The following ADAMTS6 variants were observed in gnomAD, a reference collection of about 807,000 sequenced individuals.
The protein encoded by ADAMTS6 is A disintegrin and metalloproteinase with thrombospondin motifs 6.
Under a neutral mutation model 144.3 loss-of-function variants are expected in ADAMTS6, and 23 were observed. That is an observed-to-expected ratio of 0.16 (90% CI 0.11 to 0.23). The LOEUF (loss-of-function observed/expected upper bound fraction) is 0.23, where lower values mean the gene tolerates loss of function less well. Ranked by LOEUF, ADAMTS6 falls within the 10% of genes least tolerant of loss-of-function variation. The probability of loss-of-function intolerance (pLI) is 1.00; values close to 1 mark genes in which losing one functional copy is unlikely to be tolerated. For synonymous variants in ADAMTS6, 444 were observed against 457.5 expected (o/e 0.97, Z 0.38); for missense variants, 999 against 1,379.6 (o/e 0.72, Z 4.37).
intron 15 of ADAMTS6, among the ~76,000 whole-genome samples, chr5:65,227,431 T>C (rs1757811464): frequency 6.6e-6 from 1 of 152,244 alleles, no homozygotes; most frequent in Non-Finnish European, 1.5e-5. Flanking sequence ...TATGTAATTA[T>C]TGACTGAAAT....
chr5:65,296,158 T>TAAC (rs1240022608), intron 10 of ADAMTS6, among the ~76,000 whole-genome samples: 1 of 152,130 alleles, frequency 6.6e-6, no homozygotes, highest in African/African-American at 2.4e-5. Context: ...AACAGTCTCT[T>TAAC]AACAACAACA....
chr5:65,352,885 T>G (rs16893720), intron 7 of ADAMTS6, among the ~76,000 whole-genome samples: 7,184 of 152,096 alleles, frequency 0.047, 216 homozygotes, highest in East Asian at 0.11. Flanking sequence ...TCATGGCCTA[T>G]AAGACCCTAA....
intron 10 of ADAMTS6, among the ~76,000 whole-genome samples, chr5:65,294,251 G>A (rs926983158): frequency 2.9e-4 from 44 of 152,260 alleles, no homozygotes; most frequent in African/African-American, 1.0e-3. Context: ...ATGGGATCTC[G>A]CTTTGTCACC....
chr5:65,171,776 A>C (rs1753644913), intron 23 of ADAMTS6, among the ~76,000 whole-genome samples: 1 of 151,974 alleles, frequency 6.6e-6, no homozygotes, highest in African/African-American at 2.4e-5. Flanking sequence ...AAACCTGAGA[A>C]GTAGTCTGTG....
intron 15 of ADAMTS6, among the ~76,000 whole-genome samples, chr5:65,237,300 A>C (rs1330864044): frequency 2.0e-5 from 3 of 150,090 alleles, no homozygotes; most frequent in Non-Finnish European, 4.4e-5. Context: ...AGGAGGGAGG[A>C]TCTCTTGAGC....
chr5:65,215,282 G>A (rs903537956), intron 19 of ADAMTS6, 42 bp downstream of exon 19: 2 of 1,595,372 alleles, frequency 1.3e-6, no homozygotes, highest in Non-Finnish European at 1.7e-6. Flanking sequence ...TCACAAGGGG[G>A]AATTAAAAAC....
chr5:65,204,851 C>A (rs1480983145), intron 20 of ADAMTS6, among the ~76,000 whole-genome samples: 1 of 152,094 alleles, frequency 6.6e-6, no homozygotes, highest in Non-Finnish European at 1.5e-5. Flanking sequence ...GTACATTGTA[C>A]AACCCCACAC....
intron 9 of ADAMTS6, among the ~76,000 whole-genome samples, chr5:65,302,842 G>T (rs1390471566): frequency 6.6e-6 from 1 of 151,990 alleles, no homozygotes; most frequent in African/African-American, 2.4e-5. Flanking sequence ...TGTTAAGATA[G>T]GTGTGTAGAC....
At chr5:65,179,960 A>G (rs759280259) in intron 22 of ADAMTS6, among the ~76,000 whole-genome samples, 26 of 41,540 alleles carry the variant, frequency 6.3e-4, no homozygotes, top group East Asian at 2.6e-3. Flanking sequence ...ACGCACGCGC[A>G]CACACACACA....
At position 65,197,604 on chromosome 5, in the gene ADAMTS6, C is replaced by T. The variant is rs191120722; in HGVS notation, c.2576-453G>A. Among the ~76,000 whole-genome samples, 5 of 152,264 alleles carry T rather than the reference C, an allele frequency of 3.3e-5. No homozygotes were observed. In the East Asian group the frequency reaches 9.6e-4, roughly 29 times the overall value. On this transcript the variant is annotated intron_variant, in intron 20 of 24. Coordinates refer to ENST00000381055, the MANE Select transcript of ADAMTS6 (RefSeq NM_197941.4). ...TGATATTTTGTAGAACAAATCCCAT[C>T]TATTTAGTTTTTGTTAGGAATACAT...
chr5:65,275,255 A>T (rs1267402330), intron 11 of ADAMTS6, among the ~76,000 whole-genome samples: 3 of 141,702 alleles, frequency 2.1e-5, no homozygotes, highest in Non-Finnish European at 4.6e-5. Context: ...AAAGAAAGAG[A>T]GAGAGAGGTA....
chr5:65,368,537 G>C (rs1027817820), intron 7 of ADAMTS6, among the ~76,000 whole-genome samples: 1 of 152,178 alleles, frequency 6.6e-6, no homozygotes, highest in Non-Finnish European at 1.5e-5. Flanking sequence ...AGCCTCAAAA[G>C]AATGAGGCTT....
At chr5:65,202,727 T>C in intron 20 of ADAMTS6, among the ~76,000 whole-genome samples, 1 of 152,214 alleles carries the variant, frequency 6.6e-6, no homozygotes, top group Non-Finnish European at 1.5e-5. Flanking sequence ...CCAAATTTCA[T>C]AGCCAAACTC....
chr5:65,376,107 G>A (rs1039144909), intron 7 of ADAMTS6, among the ~76,000 whole-genome samples: 2 of 147,554 alleles, frequency 1.4e-5, no homozygotes, highest in African/African-American at 5.0e-5. Flanking sequence ...TCTGGGGCCT[G>A]TTGTGGGGTG....
intron 9 of ADAMTS6, among the ~76,000 whole-genome samples, chr5:65,320,328 ATTG>A (rs1745485881): frequency 6.6e-6 from 1 of 152,238 alleles, no homozygotes; most frequent in East Asian, 1.9e-4. Flanking sequence ...TTCAGCTGAA[ATTG>A]AGTAATACTT....
At chr5:65,463,077 TAAAAA>T (rs57197551) in intron 3 of ADAMTS6, among the ~76,000 whole-genome samples, 1 of 123,948 alleles carries the variant, frequency 8.1e-6, no homozygotes, top group Non-Finnish European at 1.7e-5. Flanking sequence ...AGACTCCGTC[TAAAAA>T]AAAAAAAAAA....
chr5:65,359,130 A>AT (rs1288013512), intron 7 of ADAMTS6, among the ~76,000 whole-genome samples: 1 of 152,114 alleles, frequency 6.6e-6, no homozygotes, highest in African/African-American at 2.4e-5. Flanking sequence ...CATATATTTC[A>AT]TCGGGGTTAA....
At chr5:65,168,726 C>T (rs62368030) in intron 24 of ADAMTS6, among the ~76,000 whole-genome samples, 14,626 of 109,220 alleles carry the variant, frequency 0.13, 775 homozygotes, top group Middle Eastern at 0.2. Flanking sequence ...TCAGAAATAA[C>T]GCCGCTTACC....
chr5:65,406,851 G>C (rs190514952), intron 7 of ADAMTS6, among the ~76,000 whole-genome samples: 249 of 152,140 alleles, frequency 1.6e-3, no homozygotes, highest in Middle Eastern at 3.4e-3. Context: ...TTAGCATGAA[G>C]GGCTGTTGAA....
Sources: allele counts gnomAD v4.1 joint callset (sites outside exome capture counted in the v4.1 genomes callset), GRCh38; gene constraint gnomAD v4.1.1; transcripts MANE v1.5; gene names NCBI Gene and HGNC (gene_info 2026-07-23, HGNC 2026-07-21).